ZFHX4: variants seen among roughly 807,000 people sequenced by gnomAD.
The protein encoded by ZFHX4 is zinc finger homeobox protein 4.
A neutral mutation model predicts 267.6 loss-of-function variants in ZFHX4; 56 were observed. The ratio of observed to expected loss-of-function variants is 0.21; its 90% CI spans 0.17 to 0.26. The LOEUF (loss-of-function observed/expected upper bound fraction) is 0.26, where lower values mean the gene tolerates loss of function less well. Among genes scored for constraint, ZFHX4 ranks in the 10% least tolerant of loss-of-function variants. The probability of loss-of-function intolerance (pLI) is 1.00; values close to 1 mark genes in which losing one functional copy is unlikely to be tolerated. For synonymous variants in ZFHX4, 1,778 were observed against 1,665.6 expected (o/e 1.07, Z -1.64); for missense variants, 4,332 against 4,420.0 (o/e 0.98, Z 0.56).
chr8:76,824,387 T>C (rs1585982305), intron 4 of ZFHX4, among the ~76,000 whole-genome samples: 1 of 152,152 alleles, frequency 6.6e-6, no homozygotes, highest in Non-Finnish European at 1.5e-5. Context: ...TTTGTAGGCC[T>C]ATATATTCTG....
intron 4 of ZFHX4, among the ~76,000 whole-genome samples, chr8:76,779,829 C>T (rs188380997): frequency 4.9e-4 from 74 of 152,082 alleles, no homozygotes; most frequent in Non-Finnish European, 7.4e-5. Flanking sequence ...TTCATATGTG[C>T]GTTTTAGTTT....
chr8:76,796,869 C>G (rs1304448810), intron 4 of ZFHX4, among the ~76,000 whole-genome samples: 1 of 152,168 alleles, frequency 6.6e-6, no homozygotes, highest in African/African-American at 2.4e-5. Context: ...GAATTCACAA[C>G]CTACCCATCT....
Position 76,707,726 on chromosome 8 carries a change from T to C in ZFHX4, c.2771T>C (p.Val924Ala). Residue 924 changes from valine to alanine, a missense_variant, in exon 3 of 11, where the codon GTG becomes GCG. Val to Ala is a moderately conservative substitution (Grantham distance 64). Transcript: ENST00000651372. ...SDSLEALSVH[V>A]SSERSLPEEE... ...AGCCTGGAGGCCCTAAGTGTGCATG[T>C]GAGCAGTGAGCGCTCTCTCCCTGAA... 2 of 1,613,902 alleles carry C rather than the reference T, an allele frequency of 1.2e-6. No individual in the cohort carries two copies. The highest frequency in any genetic ancestry group is 1.7e-6 in the Non-Finnish European group (2 of 1,179,872).
At chr8:76,741,030 A>G (rs1003929823) in intron 3 of ZFHX4, among the ~76,000 whole-genome samples, 1 of 152,184 alleles carries the variant, frequency 6.6e-6, no homozygotes, top group African/African-American at 2.4e-5. Flanking sequence ...AAGTACCTCT[A>G]CATAGGAGTG....
chr8:76,839,608 C>A (rs560863725), intron 5 of ZFHX4, among the ~76,000 whole-genome samples: 74 of 152,232 alleles, frequency 4.9e-4, no homozygotes, highest in African/African-American at 1.7e-3. Context: ...CTGAATACAA[C>A]AGTATCATGA....
chr8:76,725,411 A>C (rs530111355), intron 3 of ZFHX4, among the ~76,000 whole-genome samples: 1 of 152,246 alleles, frequency 6.6e-6, no homozygotes, highest in South Asian at 2.1e-4. Context: ...TTAAAATATG[A>C]ATCTAATATA....
chr8:76,856,454 A>G, intron 10 of ZFHX4, 154 bp downstream of exon 10: 1 of 916,694 alleles, frequency 1.1e-6, no homozygotes, highest in Non-Finnish European at 1.7e-6. Context: ...GGCTATAGCT[A>G]ATTACCAGGA....
chr8:76,853,166 T>G lies in ZFHX4; in HGVS notation c.6245T>G (p.Met2082Arg). 6.5e-7 allele frequency: 1 copy of G among 1,550,128 alleles called. No individual in the cohort carries two copies. Among genetic ancestry groups the G allele is most frequent in the Non-Finnish European group, 8.7e-7 (1 of 1,146,440 alleles). The change falls in exon 10 of 11, where the codon ATG becomes AGG. Residue 2082 changes from methionine (M) to arginine (R), a missense_variant. By Grantham distance (91) the Met-to-Arg change is moderately conservative. Coordinates refer to ENST00000651372, the MANE Select transcript of ZFHX4 (RefSeq NM_024721.5). ...GACCTGCCGCTCTTTCCTTCCATTA[T>G]GATGCAACCTGTGCAACACCCTGCG... ...SLDLPLFPSI[M>R]MQPVQHPALP...
At chr8:76,814,380 A>G (rs929504168) in intron 4 of ZFHX4, among the ~76,000 whole-genome samples, 3 of 152,226 alleles carry the variant, frequency 2.0e-5, no homozygotes, top group Non-Finnish European at 4.4e-5. Flanking sequence ...TACTTTTCTT[A>G]GAGTTATGTA....
intron 1 of ZFHX4, among the ~76,000 whole-genome samples, chr8:76,702,849 C>T (rs564318251): frequency 2.0e-5 from 3 of 152,054 alleles, no homozygotes; most frequent in South Asian, 4.2e-4. Flanking sequence ...AGTTTCAGAC[C>T]ACTCCATTGT....
Position 76,853,905 on chromosome 8 carries a change from T to C in ZFHX4, c.6984T>C (p.Ile2328=). 6.2e-7 allele frequency: 1 copy of C among 1,613,934 alleles called. No homozygotes were observed. Among genetic ancestry groups the C allele is most frequent in the Non-Finnish European group, 8.5e-7 (1 of 1,179,874 alleles). Reference sequence around the variant, plus strand: ...TTTTCCCCAGGATCTTTGACTTGATTACGCATCAGAAAAAGCAGTGTTACA... The same window carrying C: ...TTTTCCCCAGGATCTTTGACTTGATCACGCATCAGAAAAAGCAGTGTTACA... The part of the protein sequence containing the change: ...NVVFPRIFDL[I]THQKKQCYKD... The change falls in exon 10 of 11, where the codon ATT becomes ATC. Residue 2328 remains isoleucine (I), a synonymous_variant. Transcript: ENST00000651372.
chr8:76,723,955 A>T (rs1585884065), intron 3 of ZFHX4, among the ~76,000 whole-genome samples: 1 of 143,830 alleles, frequency 7.0e-6, no homozygotes, highest in African/African-American at 2.8e-5. Flanking sequence ...GCTATCAGGT[A>T]TAGAAAACAA....
In ZFHX4 at chr8:76,852,669, T is replaced by G. The variant is rs1434764400; in HGVS notation, c.5748T>G (p.Phe1916Leu). Residue 1916 changes from phenylalanine (F) to leucine (L), a missense_variant, in exon 10 of 11, where the codon TTT becomes TTG. By Grantham distance (22) the Phe-to-Leu change is conservative (BLOSUM62 0). Around this residue, in one of 7 missense-constraint regions of ZFHX4, gnomAD observed 1,371 missense variants for 1,423.1 expected, o/e 0.96. Transcript: ENST00000651372. Reference protein sequence around the residue: ...GNAAKALLENFGFELVIQYNE... With the variant: ...GNAAKALLENLGFELVIQYNE... The stretch of plus-strand genomic sequence containing the variant: ...CTGCCAAAGCGTTATTGGAAAACTT[T>G]GGTTTTGAACTGGTCATTCAGTATA... 6.2e-7 allele frequency: 1 copy of G among 1,613,766 alleles called. No individual in the cohort carries two copies. The highest frequency in any genetic ancestry group is 1.7e-5 in the Admixed American group (1 of 59,998).
chr8:76,793,104 A>G (rs931736607), intron 4 of ZFHX4, among the ~76,000 whole-genome samples: 1 of 152,148 alleles, frequency 6.6e-6, no homozygotes. Context: ...CACTGTAACC[A>G]TACAATAACA....
intron 4 of ZFHX4, among the ~76,000 whole-genome samples, chr8:76,808,931 T>TCA (rs1481438899): frequency 1.3e-4 from 19 of 150,696 alleles, no homozygotes; most frequent in African/African-American, 3.7e-4. Context: ...TCTCTCTCTC[T>TCA]CTCACACACA....
chr8:76,827,876 G>A (rs1811828356), intron 4 of ZFHX4, among the ~76,000 whole-genome samples: 1 of 152,130 alleles, frequency 6.6e-6, no homozygotes, highest in African/African-American at 2.4e-5. Context: ...TACAAATCCA[G>A]CCCCATTCAG....
At chr8:76,682,631 G>A (rs1807570118) in intron 1 of ZFHX4, 1 of 152,546 alleles carries the variant, frequency 6.6e-6, no homozygotes, top group Non-Finnish European at 1.5e-5. Context: ...CCGCGGCTTG[G>A]GGTCAAGAAT....
intron 3 of ZFHX4, among the ~76,000 whole-genome samples, chr8:76,767,026 TTGTC>T (rs1301734448): frequency 6.7e-6 from 1 of 150,048 alleles, no homozygotes; most frequent in East Asian, 2.0e-4. Context: ...GTTTCTTCCT[TTGTC>T]TGTCTCATAA....
chr8:76,692,604 A>G (rs1482009614), intron 1 of ZFHX4, among the ~76,000 whole-genome samples: 2 of 152,140 alleles, frequency 1.3e-5, no homozygotes, highest in African/African-American at 2.4e-5. Flanking sequence ...ATTATTCTGG[A>G]GGACTACCCA....
Sources: allele counts gnomAD v4.1 joint callset (sites outside exome capture counted in the v4.1 genomes callset), GRCh38; gene constraint gnomAD v4.1.1; regional missense constraint gnomAD v4.1.1; transcripts MANE v1.5; gene names NCBI Gene and HGNC (gene_info 2026-07-23, HGNC 2026-07-21).